Variants in ZBTB42 observed in about 807,000 individuals in gnomAD.
The protein encoded by ZBTB42 is zinc finger and BTB domain containing 42, also known as zinc finger and BTB domain-containing protein 42.
A neutral mutation model predicts 4.7 loss-of-function variants in ZBTB42; 3 were observed. That is an observed-to-expected ratio of 0.64 (90% CI 0.29 to 1.66). The LOEUF (loss-of-function observed/expected upper bound fraction) is 1.66. Ranked by LOEUF, ZBTB42 falls within the 40% of genes most tolerant of loss-of-function variation. The pLI is 0.10. For synonymous variants in ZBTB42, 255 were observed against 259.5 expected, an observed-to-expected ratio of 0.98 and a Z score of 0.17; for missense variants, 521 against 577.1, an observed-to-expected ratio of 0.90 and a Z score of 1.00.
Position 104,803,245 on chromosome 14 carries a change from C to A in ZBTB42, c.*779C>A, listed in dbSNP as rs1200042600. 6.0e-5 allele frequency: 10 copies of A among 166,936 alleles called. No individual in the cohort carries two copies. In the Admixed American group the frequency reaches 6.5e-4, roughly 11 times the overall value. 10.3% of individuals were successfully genotyped at this position (166,936 alleles called of 1,614,324 possible). A position where few individuals can be genotyped will look rare whatever the true frequency, so the allele number is the denominator to read the frequency against. ...GAAAGTGGGAATTTGGAACTGGATT[C>A]TCTTTAGAGCCAGGAAGAGCCTCCT... is the stretch of plus-strand genomic sequence containing the variant. On this transcript the variant is annotated 3_prime_UTR_variant, in exon 1 of 1. Transcript: ENST00000342537.
rs956134802 is a variant in ZBTB42 at position 104,801,703 on chromosome 14, C to T, written c.506C>T (p.Pro169Leu). Residue 169 changes from proline to leucine, a missense_variant, in exon 1 of 1, where the codon CCT (proline) becomes CTT (leucine). Transcript: ENST00000342537. The surrounding 1 kb of genome is among the most constrained non-coding windows in gnomAD (Gnocchi z 4.4). ...CCGTTTGGGGTCAAGGCTGCCCTCC[C>T]TCCTCGAGCATCTGGGCCTCCTCCC... ...LPPFGVKAAL[P>L]PRASGPPPCQ... 4.3e-5 allele frequency: 67 copies of T among 1,550,256 alleles called. No individual in the cohort carries two copies. Among genetic ancestry groups the T allele is most frequent in the Non-Finnish European group, 5.7e-5 (65 of 1,146,926 alleles).
chr14:104,803,077 G>GC lies in ZBTB42; in HGVS notation c.*611_*612insC, dbSNP rs1310440688. On this transcript the variant is annotated 3_prime_UTR_variant, in exon 1 of 1. Coordinates refer to ENST00000342537, the MANE Select transcript of ZBTB42 (RefSeq NM_001137601.3). ...CACAGCTGGTGTCTCGGGGTGGGGGGGGGGGTGCAGCCCCAGCAGGGATCC... is the reference window on the plus strand; with the variant it reads ...CACAGCTGGTGTCTCGGGGTGGGGGGCGGGGGTGCAGCCCCAGCAGGGATCC... 6.8e-6 allele frequency: 1 copy of GC among 148,038 alleles called. No individual in the cohort carries two copies. Among genetic ancestry groups the GC allele is most frequent in the Non-Finnish European group, 1.6e-5 (1 of 61,468 alleles). The allele number at this position is 148,038 out of a possible 1,614,324, so 9.2% of individuals were successfully genotyped here. A position where few individuals can be genotyped will look rare whatever the true frequency, so the allele number is the denominator to read the frequency against.
In ZBTB42 at chr14:104,801,622, C is replaced by G; in HGVS notation, c.425C>G (p.Pro142Arg). ...GCAGAACCTGCTCAGCCACCGTGCC[C>G]CTGGCCTGTCTGGACCGCGGACCTC... Reference protein sequence around the residue: ...PGAEPAQPPCPWPVWTADLCP... With the variant: ...PGAEPAQPPCRWPVWTADLCP... The change falls in exon 1 of 1, where the codon CCC (proline) becomes CGC (arginine). Residue 142 changes from proline to arginine, a missense_variant. By Grantham distance (103) the Pro-to-Arg change is moderately radical. Coordinates refer to ENST00000342537, the MANE Select transcript of ZBTB42 (RefSeq NM_001137601.3). The surrounding 1 kb of genome is among the most constrained non-coding windows in gnomAD (Gnocchi z 4.4). 6.5e-7 allele frequency: 1 copy of G among 1,550,060 alleles called. No individual in the cohort carries two copies. Among genetic ancestry groups the G allele is most frequent in the Non-Finnish European group, 8.7e-7 (1 of 1,146,778 alleles).
chr14:104,800,730 G>C (rs1014365857), upstream of ZBTB42: 1 of 145,770 alleles, frequency 6.9e-6, no homozygotes, highest in African/African-American at 2.5e-5. This position sits in a 1 kb window ranked among gnomAD's most constrained non-coding sequence, Gnocchi z 5.3. Flanking sequence ...TCCCGGCTCT[G>C]CCCGCCCCGC....
Position 104,803,191 on chromosome 14 carries a change from A to G in ZBTB42, c.*725A>G, listed in dbSNP as rs984639419. 6.0e-6 allele frequency: 1 copy of G among 167,032 alleles called. No individual in the cohort carries two copies. The highest frequency in any genetic ancestry group is 2.4e-5 in the African/African-American group (1 of 41,434). 10.3% of individuals were successfully genotyped at this position (167,032 alleles called of 1,614,324 possible). Reference sequence around the variant, plus strand: ...GGACGTGGGTCCATGAGAGCGTGCAATTATGACCACACTGTAACTTTGAGC... The same window carrying G: ...GGACGTGGGTCCATGAGAGCGTGCAGTTATGACCACACTGTAACTTTGAGC... On this transcript the variant is annotated 3_prime_UTR_variant, in exon 1 of 1. Coordinates refer to ENST00000342537, the MANE Select transcript of ZBTB42 (RefSeq NM_001137601.3).
chr14:104,802,443 CTCG>C lies in ZBTB42; in HGVS notation c.1249_1251del (p.Val417del). The stretch of plus-strand genomic sequence containing the variant: ...CCACGTCCGCAAGTTTCACTGTGGC[CTCG>C]TCAAGTCCCTTCTGGTGTGATGCAT... On this transcript the variant is annotated inframe_deletion, in exon 1 of 1. Coordinates refer to ENST00000342537, the MANE Select transcript of ZBTB42 (RefSeq NM_001137601.3). The surrounding 1 kb of genome is among the most constrained non-coding windows in gnomAD (Gnocchi z 5.9). The C allele has an allele frequency of 1.9e-6, 3 of 1,550,794 alleles. No individual in the cohort carries two copies. The highest frequency in any genetic ancestry group is 2.6e-6 in the Non-Finnish European group (3 of 1,147,050).
Position 104,802,268 on chromosome 14 carries a change from G to T in ZBTB42, c.1071G>T (p.Ser357=). 1.9e-6 allele frequency: 3 copies of T among 1,550,346 alleles called. No homozygotes were observed. The highest frequency in any genetic ancestry group is 2.6e-6 in the Non-Finnish European group (3 of 1,146,976). ...TGAAGAGGCACGAGCGGACACACTCGGGTGAGAAGCCCTATACGTGTGTGC... is the reference window on the plus strand; with the variant it reads ...TGAAGAGGCACGAGCGGACACACTCTGGTGAGAAGCCCTATACGTGTGTGC... ...YTLKRHERTH[S]GEKPYTCVQC... The change falls in exon 1 of 1, where the codon TCG becomes TCT. Residue 357 remains serine, a synonymous_variant. Transcript: ENST00000342537. The surrounding 1 kb of genome is among the most constrained non-coding windows in gnomAD (Gnocchi z 5.9).
In ZBTB42 at chr14:104,801,179, A is replaced by T. The variant is rs915852183; in HGVS notation, c.-19A>T. On this transcript the variant is annotated 5_prime_UTR_variant, in exon 1 of 1. Coordinates refer to ENST00000342537, the MANE Select transcript of ZBTB42 (RefSeq NM_001137601.3). The surrounding 1 kb of genome is among the most constrained non-coding windows in gnomAD (Gnocchi z 4.4). ...GCTGACGGGCGTCCCGTTTGTGCCCAGGTGATGACGGCGGCGGCATGGAGT... is the reference window on the plus strand; with the variant it reads ...GCTGACGGGCGTCCCGTTTGTGCCCTGGTGATGACGGCGGCGGCATGGAGT... The T allele has an allele frequency of 2.1e-6, 3 of 1,404,322 alleles. No individual in the cohort carries two copies. The African/African-American group carries it at 4.5e-5, about 21-fold the overall frequency. 87.0% of individuals were successfully genotyped at this position (1,404,322 alleles called of 1,614,324 possible). A position where few individuals can be genotyped will look rare whatever the true frequency, so the allele number is the denominator to read the frequency against.
chr14:104,801,888 T>TC lies in ZBTB42; in HGVS notation c.693dup (p.Glu232ArgfsTer9). ...GGTGAAGGACGAACGGGACTCACTG[T>TC]CCGAACAGGAGGAGAGCAGCAGCTC... On this transcript the variant is annotated frameshift_variant, in exon 1 of 1. Transcript: ENST00000342537. LOFTEE classifies it low-confidence loss of function (END_TRUNC). The surrounding 1 kb of genome is among the most constrained non-coding windows in gnomAD (Gnocchi z 4.4). 6.5e-7 allele frequency: 1 copy of TC among 1,549,144 alleles called. No individual in the cohort carries two copies. The highest frequency in any genetic ancestry group is 8.7e-7 in the Non-Finnish European group (1 of 1,146,864).
chr14:104,803,956 C>T lies in ZBTB42; in HGVS notation c.*1490C>T, dbSNP rs747100051. On this transcript the variant is annotated 3_prime_UTR_variant, in exon 1 of 1. Transcript: ENST00000342537. ...GACCGTCCCTAGCGCATCTCCCACG[C>T]GCCCTGGGCTCCTGGTGTGCTGGGT... The T allele has an allele frequency of 3.0e-5, 5 of 166,438 alleles. No individual in the cohort carries two copies. The highest frequency in any genetic ancestry group is 1.9e-4 in the East Asian group (1 of 5,202). The allele number at this position is 166,438 out of a possible 1,614,324, so 10.3% of individuals were successfully genotyped here.
Position 104,802,407 on chromosome 14 carries a change from G to T in ZBTB42, c.1210G>T (p.Asp404Tyr). The T allele has an allele frequency of 6.4e-7, 1 of 1,551,064 alleles. No individual in the cohort carries two copies. Among genetic ancestry groups the T allele is most frequent in the Non-Finnish European group, 8.7e-7 (1 of 1,147,234 alleles). The change falls in exon 1 of 1, where the codon GAC (aspartate) becomes TAC (tyrosine). Residue 404 changes from aspartate (D) to tyrosine (Y), a missense_variant. By Grantham distance (160) the Asp-to-Tyr change is radical. Coordinates refer to ENST00000342537, the MANE Select transcript of ZBTB42 (RefSeq NM_001137601.3). The surrounding 1 kb of genome is among the most constrained non-coding windows in gnomAD (Gnocchi z 5.9). ...TGAGCGCCGTTTCACGCAGTCCGGG[G>T]ACCTCTACCGCCACGTCCGCAAGTT... is the stretch of plus-strand genomic sequence containing the variant. ...WCERRFTQSG[D>Y]LYRHVRKFHC...
At position 104,801,350 on chromosome 14, in the gene ZBTB42, C is replaced by T; in HGVS notation, c.153C>T (p.Leu51=). ...CCGCGTGCAGCGTCTACTTCCATCTCTTCTACAGGGACCGGCCCGCGGGCA... is the reference window on the plus strand; with the variant it reads ...CCGCGTGCAGCGTCTACTTCCATCTTTTCTACAGGGACCGGCCCGCGGGCA... ...VLAACSVYFH[L]FYRDRPAGSR... is the part of the protein sequence containing the mutation. Residue 51 remains leucine, a synonymous_variant, in exon 1 of 1, where the codon CTC becomes CTT. Transcript: ENST00000342537. The surrounding 1 kb of genome is among the most constrained non-coding windows in gnomAD (Gnocchi z 4.4). The T allele has an allele frequency of 1.3e-6, 2 of 1,548,414 alleles. No homozygotes were observed. Among genetic ancestry groups the T allele is most frequent in the Non-Finnish European group, 1.7e-6 (2 of 1,146,070 alleles).
In ZBTB42 at chr14:104,803,679, C is replaced by G. The variant is rs1159053988; in HGVS notation, c.*1213C>G. 6.0e-6 allele frequency: 1 copy of G among 166,854 alleles called. No homozygotes were observed. Among genetic ancestry groups the G allele is most frequent in the Non-Finnish European group, 1.5e-5 (1 of 68,112 alleles). The allele number at this position is 166,854 out of a possible 1,614,324, so 10.3% of individuals were successfully genotyped here. On this transcript the variant is annotated 3_prime_UTR_variant, in exon 1 of 1. Transcript: ENST00000342537. ...CATGAATAGAATGTGGAGACCACAA[C>G]CCCCACACATGTCGTTGGTTCAGGT...
chr14:104,801,785 A>C lies in ZBTB42; in HGVS notation c.588A>C (p.Pro196=). The C allele has an allele frequency of 4.5e-6, 7 of 1,549,562 alleles. No homozygotes were observed. Among genetic ancestry groups the C allele is most frequent in the Non-Finnish European group, 6.1e-6 (7 of 1,146,514 alleles). ...TGGACCTGTCGTTGAAGTCTGGCCCAAGGCAGGAGCGGGTCCACCCACCGT... is the reference window on the plus strand; with the variant it reads ...TGGACCTGTCGTTGAAGTCTGGCCCCAGGCAGGAGCGGGTCCACCCACCGT... The part of the protein sequence containing the change: ...QALDLSLKSG[P]RQERVHPPCV... The change falls in exon 1 of 1, where the codon CCA becomes CCC. Residue 196 remains proline, a synonymous_variant. Transcript: ENST00000342537. The surrounding 1 kb of genome is among the most constrained non-coding windows in gnomAD (Gnocchi z 4.4).
Position 104,801,407 on chromosome 14 carries a change from C to A in ZBTB42, c.210C>A (p.Ile70=), listed in dbSNP as rs1420261886. 1 of 1,547,918 alleles carries A rather than the reference C, an allele frequency of 6.5e-7. No individual in the cohort carries two copies. The highest frequency in any genetic ancestry group is 2.4e-5 in the East Asian group (1 of 40,856). The change falls in exon 1 of 1, where the codon ATC becomes ATA. Residue 70 remains isoleucine (I), a synonymous_variant. Transcript: ENST00000342537. The surrounding 1 kb of genome is among the most constrained non-coding windows in gnomAD (Gnocchi z 4.4). ...ACACGGTGCGGCTCAACGGCGACAT[C>A]GTCACGGCGCCCGCCTTCGGCCGCC... ...SRDTVRLNGD[I]VTAPAFGRLL... is the part of the protein sequence containing the mutation.
At position 104,802,116 on chromosome 14, in the gene ZBTB42, C is replaced by A. The variant is rs1423155107; in HGVS notation, c.919C>A (p.His307Asn). Reference protein sequence around the residue: ...PLCSKLFPSSHVLQLHLSAHF... With the variant: ...PLCSKLFPSSNVLQLHLSAHF... ...GTGCAGCAAGCTGTTTCCCAGCTCC[C>A]ACGTGCTGCAGCTGCACCTCAGTGC... Residue 307 changes from histidine to asparagine, a missense_variant, in exon 1 of 1, where the codon CAC (histidine) becomes AAC (asparagine). Physicochemically the swap from His to Asn is moderately conservative, Grantham distance 68. Transcript: ENST00000342537. The surrounding 1 kb of genome is among the most constrained non-coding windows in gnomAD (Gnocchi z 5.9). The A allele has an allele frequency of 1.3e-6, 2 of 1,531,638 alleles. No individual in the cohort carries two copies. Among genetic ancestry groups the A allele is most frequent in the Admixed American group, 2.0e-5 (1 of 50,628 alleles). The allele number at this position is 1,531,638 out of a possible 1,614,324, so 94.9% of individuals were successfully genotyped here. A position where few individuals can be genotyped will look rare whatever the true frequency, so the allele number is the denominator to read the frequency against.
rs976764235 is a variant in ZBTB42, at chr14:104,803,354, C to G, written c.*888C>G. ...GGTCTAGGAAGCCTCTGGGCATCCC[C>G]CAGGGTGGGGTCTGGGCCGCTGAGC... On this transcript the variant is annotated 3_prime_UTR_variant, in exon 1 of 1. Coordinates refer to ENST00000342537, the MANE Select transcript of ZBTB42 (RefSeq NM_001137601.3). The G allele has an allele frequency of 4.8e-5, 8 of 167,002 alleles. No individual in the cohort carries two copies. Among genetic ancestry groups the G allele is most frequent in the African/African-American group, 1.7e-4 (7 of 41,454 alleles). 10.3% of individuals were successfully genotyped at this position (167,002 alleles called of 1,614,324 possible).
chr14:104,801,438 G>C lies in ZBTB42; in HGVS notation c.241G>C (p.Asp81His). Residue 81 changes from aspartate (D) to histidine (H), a missense_variant, in exon 1 of 1, where the codon GAC becomes CAC. By Grantham distance (81) the Asp-to-His change is moderately conservative. Transcript: ENST00000342537. This position sits in a 1 kb window ranked among gnomAD's most constrained non-coding sequence, Gnocchi z 4.4. ...VTAPAFGRLL[D>H]FMYEGRLDLR... is the part of the protein sequence containing the mutation. ...GGCGCCCGCCTTCGGCCGCCTACTG[G>C]ACTTCATGTACGAGGGCCGCCTGGA... 1.3e-6 allele frequency: 2 copies of C among 1,549,950 alleles called. No individual in the cohort carries two copies. Among genetic ancestry groups the C allele is most frequent in the Non-Finnish European group, 1.7e-6 (2 of 1,146,784 alleles).
Position 104,803,915 on chromosome 14 carries a change from C to T in ZBTB42, c.*1449C>T, listed in dbSNP as rs192995140. The T allele has an allele frequency of 3.0e-5, 5 of 166,476 alleles. No homozygotes were observed. The highest frequency in any genetic ancestry group is 1.2e-4 in the African/African-American group (5 of 41,588). 10.3% of individuals were successfully genotyped at this position (166,476 alleles called of 1,614,324 possible). On this transcript the variant is annotated 3_prime_UTR_variant, in exon 1 of 1. Coordinates refer to ENST00000342537, the MANE Select transcript of ZBTB42 (RefSeq NM_001137601.3). ...CTGGATGTCATATTTATTAGTCAGCCTGGTCTGGAGTGAAAGACCGTCCCT... is the reference window on the plus strand; with the variant it reads ...CTGGATGTCATATTTATTAGTCAGCTTGGTCTGGAGTGAAAGACCGTCCCT...
Sources: gnomAD v4.1 joint callset for allele counts on GRCh38, gnomAD v4.1.1 for gene constraint, Gnocchi (gnomAD v3.1) non-coding constraint, MANE v1.5 for transcripts, NCBI Gene and HGNC (gene_info 2026-07-23, HGNC 2026-07-21) for gene names.